KAT6A: variants seen among roughly 807,000 people sequenced by gnomAD.
KAT6A encodes lysine acetyltransferase 6A, also known as histone acetyltransferase KAT6A.
Under a neutral mutation model 198.4 loss-of-function variants are expected in KAT6A, and 9 were observed. That is an observed-to-expected ratio of 0.05 (90% CI 0.03 to 0.08). The LOEUF (loss-of-function observed/expected upper bound fraction) is 0.08, where lower values mean the gene tolerates loss of function less well. Ranked by LOEUF, KAT6A falls within the 10% of genes least tolerant of loss-of-function variation. The pLI is 1.00. For synonymous variants in KAT6A, 890 were observed against 883.0 expected (o/e 1.01, Z -0.14); for missense variants, 2,077 against 2,509.9 (o/e 0.83, Z 3.69).
Position 41,949,349 on chromosome 8 carries a change from T to G in KAT6A, c.1613A>C (p.Tyr538Ser). 1 of 1,543,318 alleles carries G rather than the reference T, an allele frequency of 6.5e-7. No individual in the cohort carries two copies. Among genetic ancestry groups the G allele is most frequent in the Non-Finnish European group, 8.7e-7 (1 of 1,150,234 alleles). ...ATATTTTAGACAAAATTCACAAAGATACAATTTGGGCAGCCTGTAAACGAT... is the reference window on the plus strand; with the variant it reads ...ATATTTTAGACAAAATTCACAAAGAGACAATTTGGGCAGCCTGTAAACGAT... Reference protein sequence around the residue: ...PQEYSRLPKLYLCEFCLKYMK... With the variant: ...PQEYSRLPKLSLCEFCLKYMK... Residue 538 changes from tyrosine (Y) to serine (S), a missense_variant, in exon 10 of 17, where the codon TAT (tyrosine) becomes TCT (serine). Tyr to Ser is a moderately radical substitution (Grantham distance 144). Transcript: ENST00000265713.
At chr8:41,945,701 C>G (rs1287876907) in intron 12 of KAT6A, among the ~76,000 whole-genome samples, 1 of 151,574 alleles carries the variant, frequency 6.6e-6, no homozygotes, top group Non-Finnish European at 1.5e-5. Flanking sequence ...ACACATCACA[C>G]AAAATTTTAT....
intron 1 of KAT6A, among the ~76,000 whole-genome samples, chr8:42,050,568 A>C (rs1802561478): frequency 6.6e-6 from 1 of 152,224 alleles, no homozygotes; most frequent in Admixed American, 6.5e-5. Flanking sequence ...TGAAGCAAAC[A>C]TTCAAACCTG....
chr8:41,949,103 G>C (rs1014074673), intron 10 of KAT6A, 119 bp downstream of exon 10: 2 of 573,542 alleles, frequency 3.5e-6, no homozygotes, highest in Non-Finnish European at 5.5e-6. Context: ...ATTATAATTA[G>C]TACTTTTTCC....
intron 7 of KAT6A, among the ~76,000 whole-genome samples, chr8:41,975,115 A>C (rs999134270): frequency 6.6e-6 from 1 of 152,212 alleles, no homozygotes; most frequent in Admixed American, 6.5e-5. Flanking sequence ...AAATGATATA[A>C]GGAATATAAA....
intron 2 of KAT6A, among the ~76,000 whole-genome samples, chr8:42,004,392 G>C (rs1250429224): frequency 1.3e-5 from 2 of 152,104 alleles, no homozygotes; most frequent in African/African-American, 4.8e-5. Context: ...AGTAAGCAAA[G>C]CCCTTTTTTT....
intron 2 of KAT6A, among the ~76,000 whole-genome samples, chr8:42,001,006 G>A (rs1232377203): frequency 6.6e-6 from 1 of 152,162 alleles, no homozygotes; most frequent in Non-Finnish European, 1.5e-5. Context: ...GTGAGGGAGG[G>A]AGAGGAAGGA....
intron 6 of KAT6A, among the ~76,000 whole-genome samples, chr8:41,978,036 T>G (rs1349683383): frequency 6.6e-6 from 1 of 152,224 alleles, no homozygotes; most frequent in Non-Finnish European, 1.5e-5. Flanking sequence ...CAAAACTAGC[T>G]ACTGAATCTT....
At chr8:41,973,271 G>C (rs984866026) in intron 8 of KAT6A, among the ~76,000 whole-genome samples, 3 of 151,804 alleles carry the variant, frequency 2.0e-5, no homozygotes, top group African/African-American at 7.3e-5. Context: ...TGTTGCCCAG[G>C]CTGGAGTGGT....
At chr8:42,003,885 C>T (rs1825616163) in intron 2 of KAT6A, among the ~76,000 whole-genome samples, 1 of 152,234 alleles carries the variant, frequency 6.6e-6, no homozygotes, top group Non-Finnish European at 1.5e-5. Context: ...AGGTGACCAT[C>T]TGCAAGACAA....
At chr8:41,978,310 T>C (rs1020226062) in intron 6 of KAT6A, among the ~76,000 whole-genome samples, 4 of 152,156 alleles carry the variant, frequency 2.6e-5, no homozygotes, top group South Asian at 2.1e-4. Flanking sequence ...CATAAAGCAA[T>C]GGTTAAGAGT....
At chr8:42,006,420 C>T (rs76260228) in intron 2 of KAT6A, among the ~76,000 whole-genome samples, 204 of 152,296 alleles carry the variant, frequency 1.3e-3, no homozygotes, top group African/African-American at 4.6e-3. Flanking sequence ...TCTTACGTTA[C>T]GTCACCTCAG....
chr8:41,983,789 G>C (rs1824473544), intron 3 of KAT6A, among the ~76,000 whole-genome samples: 1 of 152,182 alleles, frequency 6.6e-6, no homozygotes, highest in Non-Finnish European at 1.5e-5. Context: ...ATGAGCTCTA[G>C]GTCTGTTATA....
chr8:41,981,779 T>C (rs1168015685), intron 4 of KAT6A, 60 bp downstream of exon 4: 1 of 1,005,660 alleles, frequency 9.9e-7, no homozygotes, highest in Non-Finnish European at 1.6e-6. Context: ...TAGATGAAAA[T>C]GCTGGTCGTA....
Position 41,941,000 on chromosome 8 carries a change from T to C in KAT6A, c.2881A>G (p.Arg961Gly). The change falls in exon 15 of 17, where the codon AGA becomes GGA. Residue 961 changes from arginine (R) to glycine (G), a missense_variant. Transcript: ENST00000265713. ...LKKSPEALKC[R>G]LTEGSERLPR... ...AGCCTCTCACTTCCTTCTGTTAATC[T>C]GCACTTCAGAGCCTCAGGGCTTTTC... is the stretch of plus-strand genomic sequence containing the variant. 6.2e-7 allele frequency: 1 copy of C among 1,614,200 alleles called. No homozygotes were observed.
At chr8:42,040,407 A>C (rs950146589) in intron 2 of KAT6A, among the ~76,000 whole-genome samples, 2 of 152,176 alleles carry the variant, frequency 1.3e-5, no homozygotes, top group Non-Finnish European at 2.9e-5. Flanking sequence ...TAAAGTACTT[A>C]TTCGCTAGAA....
At chr8:41,982,173 A>C (rs1824389132) in intron 3 of KAT6A, among the ~76,000 whole-genome samples, 1 of 152,088 alleles carries the variant, frequency 6.6e-6, no homozygotes, top group Middle Eastern at 3.2e-3. Context: ...CCCTCCCCAC[A>C]ATTTGATTAT....
At chr8:42,041,613 C>T (rs1827672263) in intron 2 of KAT6A, among the ~76,000 whole-genome samples, 2 of 152,068 alleles carry the variant, frequency 1.3e-5, no homozygotes, top group African/African-American at 4.8e-5. Context: ...TGGCACACGC[C>T]TGTAATCGCA....
intron 2 of KAT6A, among the ~76,000 whole-genome samples, chr8:41,999,414 CAT>C (rs958460445): frequency 1.3e-5 from 2 of 152,092 alleles, no homozygotes; most frequent in East Asian, 1.9e-4. Flanking sequence ...GTTTCTTTTA[CAT>C]GTTTGTACCT....
intron 8 of KAT6A, among the ~76,000 whole-genome samples, chr8:41,960,264 C>T (rs1041084124): frequency 1.3e-5 from 2 of 151,968 alleles, no homozygotes; most frequent in African/African-American, 4.8e-5. Context: ...GTCTTTAATG[C>T]CACTGAATTG....
Sources: allele counts gnomAD v4.1 joint callset (sites outside exome capture counted in the v4.1 genomes callset), GRCh38; gene constraint gnomAD v4.1.1; transcripts MANE v1.5; gene names NCBI Gene and HGNC (gene_info 2026-07-23, HGNC 2026-07-21).